The following PTPDC1 variants were observed in gnomAD, a reference collection of about 807,000 sequenced individuals.
PTPDC1 encodes protein tyrosine phosphatase domain-containing protein 1.
A neutral mutation model predicts 75.3 loss-of-function variants in PTPDC1; 53 were observed. That is an observed-to-expected ratio of 0.70 (90% CI 0.56 to 0.88). PTPDC1 has a LOEUF of 0.88. PTPDC1 is among the 40% of genes least tolerant of loss of function. PTPDC1 has a pLI of 0.00. For synonymous variants in PTPDC1, 349 were observed against 366.2 expected (o/e 0.95, Z 0.54); for missense variants, 925 against 998.6 (o/e 0.93, Z 0.99).
chr9:94,094,582 C>T (rs1281617821), intron 4 of PTPDC1, among the ~76,000 whole-genome samples: 1 of 152,180 alleles, frequency 6.6e-6, no homozygotes, highest in Non-Finnish European at 1.5e-5. Context: ...AGGCAGGCCT[C>T]CTTGAGCTGT....
chr9:94,050,381 G>C (rs1040105421), intron 1 of PTPDC1, among the ~76,000 whole-genome samples: 5 of 152,156 alleles, frequency 3.3e-5, no homozygotes, highest in Non-Finnish European at 7.4e-5. Flanking sequence ...GTGACGTACA[G>C]ATGGGGTTTT....
chr9:94,034,334 C>T (rs1297894558), intron 1 of PTPDC1, among the ~76,000 whole-genome samples: 1 of 152,142 alleles, frequency 6.6e-6, no homozygotes, highest in Non-Finnish European at 1.5e-5. Context: ...GAGTTCAAGA[C>T]CAGCCTGGCC....
chr9:94,048,264 T>C (rs1210915737), intron 1 of PTPDC1, among the ~76,000 whole-genome samples: 1 of 152,230 alleles, frequency 6.6e-6, no homozygotes, highest in Non-Finnish European at 1.5e-5. Flanking sequence ...ATTTGTTTGT[T>C]CTTGCTTCTC....
intron 1 of PTPDC1, among the ~76,000 whole-genome samples, chr9:94,055,086 T>G (rs1825893580): frequency 6.6e-6 from 1 of 152,210 alleles, no homozygotes; most frequent in South Asian, 2.1e-4. Flanking sequence ...TAAAAGCCAA[T>G]TAAATATTTA....
chr9:94,047,179 A>G (rs867363153), intron 1 of PTPDC1, among the ~76,000 whole-genome samples: 13 of 152,332 alleles, frequency 8.5e-5, no homozygotes, highest in Admixed American at 2.0e-4. Flanking sequence ...CCAGCCTTGC[A>G]TCCCAGGGAT....
At chr9:94,069,519 A>G (rs1587867343) in intron 2 of PTPDC1, among the ~76,000 whole-genome samples, 1 of 148,580 alleles carries the variant, frequency 6.7e-6, no homozygotes, top group Admixed American at 6.7e-5. Context: ...GGTACTTCCA[A>G]TTCTTTTTTT....
chr9:94,097,214 A>G (rs758218683), intron 5 of PTPDC1, 107 bp from the exon 6 acceptor site: 1 of 758,414 alleles, frequency 1.3e-6, no homozygotes, highest in Non-Finnish European at 2.1e-6. Context: ...CTCTATTTAT[A>G]TGGTTTCTTA....
At chr9:94,088,841 A>G (rs183977099) in intron 4 of PTPDC1, among the ~76,000 whole-genome samples, 77 of 152,286 alleles carry the variant, frequency 5.1e-4, no homozygotes, top group African/African-American at 1.7e-3. Flanking sequence ...TGTTTTTAAG[A>G]AGCTTATTTA....
chr9:94,104,331 T>A lies in PTPDC1; in HGVS notation c.2256T>A (p.Ile752=), dbSNP rs1308060450. The A allele has an allele frequency of 1.4e-5, 22 of 1,613,812 alleles. No homozygotes were observed. The highest frequency in any genetic ancestry group is 1.9e-5 in the Non-Finnish European group (22 of 1,179,852). The change falls in exon 8 of 9, where the codon ATT becomes ATA. Residue 752 remains isoleucine (I), a synonymous_variant. Coordinates refer to ENST00000620992, the MANE Select transcript of PTPDC1 (RefSeq NM_001253829.2). ...VLHCIVNLQT[I]PVDVEEAFLA... ...ACTGCATAGTGAACCTGCAGACAAT[T>A]CCCGTGGATGTGGAGGAAGCTTTCC...
chr9:94,066,019 A>T (rs1826292256), intron 2 of PTPDC1, among the ~76,000 whole-genome samples: 1 of 152,100 alleles, frequency 6.6e-6, no homozygotes, highest in Non-Finnish European at 1.5e-5. Context: ...GGTGTTTCTC[A>T]ATGGCAATTC....
chr9:94,033,124 G>A (rs117063686), intron 1 of PTPDC1, among the ~76,000 whole-genome samples: 11,536 of 152,112 alleles, frequency 0.076, 589 homozygotes, highest in East Asian at 0.14. Context: ...GCCTCCCAAA[G>A]TGCTGGGATT....
At chr9:94,060,936 T>C (rs949693408) in intron 1 of PTPDC1, among the ~76,000 whole-genome samples, 29 of 152,132 alleles carry the variant, frequency 1.9e-4, no homozygotes, top group Non-Finnish European at 3.7e-4. Flanking sequence ...CATGTCCTTC[T>C]CACGTTGCAA....
At chr9:94,057,084 A>G (rs1019604549) in intron 1 of PTPDC1, among the ~76,000 whole-genome samples, 2 of 152,118 alleles carry the variant, frequency 1.3e-5, no homozygotes, top group African/African-American at 2.4e-5. Flanking sequence ...GAGCTTAGCC[A>G]TTACTAACAT....
upstream of PTPDC1, among the ~76,000 whole-genome samples, chr9:94,083,063 A>T (rs1202260817): frequency 6.6e-6 from 1 of 152,204 alleles, no homozygotes; most frequent in African/African-American, 2.4e-5. Flanking sequence ...GGAGTGCCAC[A>T]TACTCAGAAG....
intron 1 of PTPDC1, among the ~76,000 whole-genome samples, chr9:94,032,083 GACGTGTCACAGTCAGAGCTATTA>G (rs1250886505): frequency 6.6e-6 from 1 of 152,214 alleles, no homozygotes; most frequent in African/African-American, 2.4e-5. Flanking sequence ...GGGTTTGGGT[GACGTGTCACAGTCAGAGCTATTA>G]ATATTAAATG....
At chr9:94,034,932 C>T (rs1029689169) in intron 1 of PTPDC1, among the ~76,000 whole-genome samples, 1 of 152,048 alleles carries the variant, frequency 6.6e-6, no homozygotes, top group Non-Finnish European at 1.5e-5. Flanking sequence ...ATATTCATCA[C>T]CTCACGTACT....
intron 1 of PTPDC1, among the ~76,000 whole-genome samples, chr9:94,054,455 G>T (rs140730108): frequency 2.6e-5 from 4 of 152,206 alleles, no homozygotes; most frequent in Admixed American, 1.3e-4. Flanking sequence ...AAGCTAATAC[G>T]TGCCAACTCC....
intron 1 of PTPDC1, among the ~76,000 whole-genome samples, chr9:94,036,235 T>C (rs1484292038): frequency 3.3e-5 from 5 of 152,080 alleles, no homozygotes; most frequent in Non-Finnish European, 7.4e-5. Context: ...GCTTTTAGTG[T>C]CACATCCAAA....
chr9:94,063,555 T>C (rs1394977355), intron 1 of PTPDC1, among the ~76,000 whole-genome samples: 1 of 152,234 alleles, frequency 6.6e-6, no homozygotes, highest in Admixed American at 6.5e-5. Flanking sequence ...AGATCACCCC[T>C]GTGATTTTAA....
Sources: allele counts gnomAD v4.1 joint callset (sites outside exome capture counted in the v4.1 genomes callset), GRCh38; gene constraint gnomAD v4.1.1; transcripts MANE v1.5; gene names NCBI Gene and HGNC (gene_info 2026-07-23, HGNC 2026-07-21).